The following PRDM16 variants were observed in gnomAD, a reference collection of about 807,000 sequenced individuals.
PRDM16 encodes histone-lysine N-methyltransferase PRDM16.
In PRDM16, 23 loss-of-function variants were observed where a neutral mutation model predicts 110.6. The observed-to-expected ratio is 0.21, with a 90% CI of 0.15 to 0.29. The LOEUF (loss-of-function observed/expected upper bound fraction) is 0.29. Among genes scored for constraint, PRDM16 ranks in the 10% least tolerant of loss-of-function variants. The pLI is 1.00. For synonymous variants in PRDM16, 799 were observed against 781.8 expected (o/e 1.02, Z -0.37); for missense variants, 1,615 against 1,794.3 (o/e 0.90, Z 1.81).
chr1:3,188,952 T>TTACCCTTAAGTTTTAAG (rs1638220925), intron 2 of PRDM16, among the ~76,000 whole-genome samples: 1 of 152,242 alleles, frequency 6.6e-6, no homozygotes, highest in Non-Finnish European at 1.5e-5. Context: ...GCAGGAAAAC[T>TTACCCTTAAGTTTTAAG]GACATCTTAC....
intron 3 of PRDM16, among the ~76,000 whole-genome samples, chr1:3,323,428 C>T (rs12047667): frequency 0.028 from 4,189 of 152,320 alleles, 236 homozygotes; most frequent in East Asian, 0.18. Flanking sequence ...CTGTTCCAGG[C>T]GCCAACAGAA....
chr1:3,094,141 G>A (rs1357416213), intron 1 of PRDM16, among the ~76,000 whole-genome samples: 3 of 152,196 alleles, frequency 2.0e-5, no homozygotes, highest in Non-Finnish European at 2.9e-5. Context: ...GGCAAGAGGC[G>A]GGCGGGGCAC....
At chr1:3,104,718 T>G (rs150329219) in intron 1 of PRDM16, among the ~76,000 whole-genome samples, 138 of 152,138 alleles carry the variant, frequency 9.1e-4, no homozygotes, top group Non-Finnish European at 1.7e-3. Flanking sequence ...AGTGAAGTCT[T>G]CCTTGGAGCC....
chr1:3,072,518 G>T (rs889955083), intron 1 of PRDM16, among the ~76,000 whole-genome samples: 3 of 152,218 alleles, frequency 2.0e-5, no homozygotes, highest in African/African-American at 7.2e-5. Flanking sequence ...TGTGTGTCTT[G>T]CTCGTGTTTG....
intron 1 of PRDM16, among the ~76,000 whole-genome samples, chr1:3,070,957 C>G (rs999364005): frequency 2.0e-5 from 3 of 152,234 alleles, no homozygotes; most frequent in African/African-American, 7.2e-5. Context: ...CGAACAAGAC[C>G]GGGCGTTTCG....
intron 1 of PRDM16, among the ~76,000 whole-genome samples, chr1:3,123,990 C>T (rs1044166382): frequency 1.3e-5 from 2 of 152,204 alleles, no homozygotes; most frequent in African/African-American, 2.4e-5. Flanking sequence ...GTATGGTGGG[C>T]GTCCGAGTCG....
chr1:3,404,511 C>G (rs1297471737), intron 6 of PRDM16, among the ~76,000 whole-genome samples: 1 of 152,256 alleles, frequency 6.6e-6, no homozygotes, highest in Non-Finnish European at 1.5e-5. Context: ...GGGATGGAAC[C>G]ATCCAGGTGC....
chr1:3,330,145 A>C (rs1436450090), intron 3 of PRDM16, among the ~76,000 whole-genome samples: 1 of 152,202 alleles, frequency 6.6e-6, no homozygotes, highest in East Asian at 1.9e-4. Context: ...TGGGCTTGTC[A>C]AATCAAATGG....
Position 3,206,989 on chromosome 1 carries a change from A to C in PRDM16, c.387+20515A>C, listed in dbSNP as rs764913555. On this transcript the variant is annotated intron_variant, in intron 2 of 16. Transcript: ENST00000270722. The surrounding 1 kb of genome is among the most constrained non-coding windows in gnomAD (Gnocchi z 4.9). ...CATAGAGGACAGCAATGCCGCCCGC[A>C]TGTCCCCACATGGACCTGCTTCCAG... 6.6e-6 allele frequency: 1 copy of C among 152,240 alleles called. No individual in the cohort carries two copies. Among genetic ancestry groups the C allele is most frequent in the African/African-American group, 2.4e-5 (1 of 41,446 alleles). The allele number at this position is 152,240 out of a possible 1,614,324, so 9.4% of individuals were successfully genotyped here. A position where few individuals can be genotyped will look rare whatever the true frequency, so the allele number is the denominator to read the frequency against.
At chr1:3,431,644 G>A (rs375322687) in intron 15 of PRDM16, among the ~76,000 whole-genome samples, 2 of 152,158 alleles carry the variant, frequency 1.3e-5, no homozygotes, top group Non-Finnish European at 2.9e-5. Context: ...AGGGAGCCCC[G>A]GGCCTCTCTG....
chr1:3,332,024 G>A (rs990215601), intron 3 of PRDM16, among the ~76,000 whole-genome samples: 2 of 152,230 alleles, frequency 1.3e-5, no homozygotes, highest in Non-Finnish European at 2.9e-5. Context: ...ACAGGGGACG[G>A]GCTTGGAGGT....
intron 1 of PRDM16, chr1:3,133,820 C>T (rs947694483): frequency 9.9e-5 from 15 of 152,262 alleles, no homozygotes; most frequent in African/African-American, 2.4e-4. Context: ...GGCCTTTCGC[C>T]GCGGGAATTT....
At chr1:3,181,561 CACACGCAGTCTT>C (rs1644190078) in intron 1 of PRDM16, among the ~76,000 whole-genome samples, 1 of 147,630 alleles carries the variant, frequency 6.8e-6, no homozygotes, top group Non-Finnish European at 1.5e-5. Flanking sequence ...CGCAGTCTTA[CACACGCAGTCTT>C]ACACACGGTC....
intron 3 of PRDM16, among the ~76,000 whole-genome samples, chr1:3,371,129 A>G (rs948453416): frequency 2.0e-4 from 30 of 148,814 alleles, no homozygotes; most frequent in Non-Finnish European, 3.6e-4. Flanking sequence ...TCATCCATTC[A>G]CCATCCATTG....
chr1:3,403,092 T>TTCCCGTGCCCTCCTCTGAGTCTTCCTC (rs1422928640), intron 6 of PRDM16, 94 bp downstream of exon 6: 1 of 1,093,670 alleles, frequency 9.1e-7, no homozygotes, highest in African/African-American at 1.6e-5. Flanking sequence ...CTTCCTCCCC[T>TTCCCGTGCCCTCCTCTGAGTCTTCCTC]CCCTTCCCCC....
chr1:3,126,398 C>A (rs1643209044), intron 1 of PRDM16, among the ~76,000 whole-genome samples: 1 of 152,198 alleles, frequency 6.6e-6, no homozygotes, highest in Admixed American at 6.5e-5. Context: ...CAGGGCAAGG[C>A]CGGAGGAGCT....
At chr1:3,415,403 C>G (rs760630904) in intron 10 of PRDM16, among the ~76,000 whole-genome samples, 1 of 152,240 alleles carries the variant, frequency 6.6e-6, no homozygotes, top group African/African-American at 2.4e-5. Flanking sequence ...CAGACCAGAC[C>G]GGGGCATTGT....
At chr1:3,142,169 A>G (rs1339059331) in intron 1 of PRDM16, among the ~76,000 whole-genome samples, 1 of 152,236 alleles carries the variant, frequency 6.6e-6, no homozygotes, top group Non-Finnish European at 1.5e-5. Flanking sequence ...CTGGTCTTCC[A>G]GGAAGAGGTT....
intron 3 of PRDM16, among the ~76,000 whole-genome samples, chr1:3,266,743 T>G (rs1016886153): frequency 2.0e-5 from 3 of 152,182 alleles, no homozygotes; most frequent in Non-Finnish European, 4.4e-5. Context: ...CGGCGCAATC[T>G]CAGCTCACTG....
Sources: allele counts gnomAD v4.1 joint callset (sites outside exome capture counted in the v4.1 genomes callset), GRCh38; gene constraint gnomAD v4.1.1; non-coding constraint Gnocchi (gnomAD v3.1); transcripts MANE v1.5; gene names NCBI Gene and HGNC (gene_info 2026-07-23, HGNC 2026-07-21).